GOLGA8A: variants seen among roughly 807,000 people sequenced by gnomAD.
GOLGA8A encodes the protein golgin A8 family member A.
GOLGA8A carries 3 observed loss-of-function variants against 22.1 expected under a neutral mutation model. The observed-to-expected ratio is 0.14, with a 90% CI of 0.06 to 0.35. GOLGA8A has a LOEUF of 0.35. Among genes scored for constraint, GOLGA8A ranks in the 10% least tolerant of loss-of-function variants. GOLGA8A has a pLI of 1.00. For synonymous variants in GOLGA8A, 7 were observed against 91.7 expected, an observed-to-expected ratio of 0.08 and a Z score of 5.28; for missense variants, 16 against 233.2, an observed-to-expected ratio of 0.07 and a Z score of 6.07.
At chr15:34,433,837 T>C (rs1442076671) in intron 2 of GOLGA8A, among the ~76,000 whole-genome samples, 1 of 149,338 alleles carries the variant, frequency 6.7e-6, no homozygotes, top group Non-Finnish European at 1.5e-5. Flanking sequence ...ACACACTGAA[T>C]GTTGAGTACT....
At chr15:34,431,291 TTATATATATATATATATATACA>T (rs1363676214) in intron 2 of GOLGA8A, among the ~76,000 whole-genome samples, 2,834 of 112,108 alleles carry the variant, frequency 0.025, 244 homozygotes, top group African/African-American at 0.092. Flanking sequence ...TGAAAAAAAA[TTATATATATATATATATATACA>T]TATATATATA....
intron 2 of GOLGA8A, among the ~76,000 whole-genome samples, chr15:34,422,983 C>G (rs1371006041): frequency 7.8e-6 from 1 of 128,778 alleles, no homozygotes; most frequent in Non-Finnish European, 1.7e-5. Flanking sequence ...TCCACTTCCA[C>G]TGAGCAGAGG....
At chr15:34,423,769 C>G (rs1238875203) in intron 2 of GOLGA8A, among the ~76,000 whole-genome samples, 1 of 149,160 alleles carries the variant, frequency 6.7e-6, no homozygotes, top group African/African-American at 2.5e-5. Context: ...CAGTTTGGTC[C>G]ACCTCCATGG....
rs1464603506 is a variant in GOLGA8A, at chr15:34,422,823, T to C, written c.-1123+12560A>G. Among the ~76,000 whole-genome samples the C allele has an allele frequency of 8.0e-5, 9 of 112,210 alleles. 2 individuals carry two copies. The highest frequency in any genetic ancestry group is 1.9e-4 in the Non-Finnish European group (9 of 47,930). The allele number at this position is 112,210 out of a possible 152,430, so 73.6% of individuals were successfully genotyped here. A position where few individuals can be genotyped will look rare whatever the true frequency, so the allele number is the denominator to read the frequency against. On this transcript the variant is annotated intron_variant, in intron 2 of 24. Transcript: ENST00000359187. ...CTGTCCACAGTGCTCTTCCTGCTCC[T>C]GCTCCTGGCCAACCCTCCAACCAAG...
At chr15:34,421,683 C>CT (rs1260374480) in intron 2 of GOLGA8A, among the ~76,000 whole-genome samples, 1 of 142,724 alleles carries the variant, frequency 7.0e-6, no homozygotes, top group African/African-American at 2.6e-5. Flanking sequence ...CCACTTACCC[C>CT]TTTTTCATCA....
intron 24 of GOLGA8A, 25 bp from the exon 25 acceptor site, chr15:34,381,638 C>A: frequency 7.5e-7 from 1 of 1,328,984 alleles, no homozygotes; most frequent in Non-Finnish European, 1.1e-6. Flanking sequence ...AGGCGGGGAT[C>A]TGAGTGGAGT....
intron 2 of GOLGA8A, among the ~76,000 whole-genome samples, chr15:34,425,322 C>T (rs1892938926): frequency 2.0e-5 from 3 of 147,360 alleles, no homozygotes; most frequent in South Asian, 2.2e-4. Flanking sequence ...AGCTACTTAA[C>T]CCATGACAAA....
At chr15:34,433,215 G>A (rs1228428149) in intron 2 of GOLGA8A, among the ~76,000 whole-genome samples, 7 of 149,166 alleles carry the variant, frequency 4.7e-5, no homozygotes, top group Non-Finnish European at 1.0e-4. Flanking sequence ...GGAAGGGAAA[G>A]CAGAGTGGCT....
At chr15:34,433,163 C>A (rs1448364767) in intron 2 of GOLGA8A, among the ~76,000 whole-genome samples, 4 of 148,630 alleles carry the variant, frequency 2.7e-5, no homozygotes, top group Non-Finnish European at 6.0e-5. Flanking sequence ...TCCAACCAGG[C>A]CAGGACACAC....
intron 1 of GOLGA8A, 64 bp from the exon 2 acceptor site, chr15:34,435,535 C>T (rs1357087488): frequency 2.0e-5 from 3 of 148,714 alleles, no homozygotes; most frequent in Non-Finnish European, 3.0e-5. Context: ...ACAAGTTAAC[C>T]AGCAAGCCAC....
chr15:34,387,262 TACTA>T (rs1891785794), intron 11 of GOLGA8A: 9 of 226,550 alleles, frequency 4.0e-5, no homozygotes, highest in South Asian at 2.1e-4. Flanking sequence ...GCAGGCCATG[TACTA>T]GGGATTAACA....
intron 2 of GOLGA8A, among the ~76,000 whole-genome samples, chr15:34,434,028 G>C (rs1403702166): frequency 1.3e-5 from 2 of 148,890 alleles, no homozygotes; most frequent in Non-Finnish European, 3.0e-5. Context: ...TGGCAAATCC[G>C]AGGACCAAGG....
At position 34,418,753 on chromosome 15, in the gene GOLGA8A, G is replaced by C. The variant is rs1343991614; in HGVS notation, c.-1122-11018C>G. On this transcript the variant is annotated intron_variant, in intron 2 of 24. Coordinates refer to ENST00000359187, the MANE Select transcript of GOLGA8A (RefSeq NM_181077.5). ...ATGAATTAAGGGGCTGGAAAACCGG[G>C]AGCAGGACGGCCTGTGCCCATGGTT... 30 of 147,148 alleles carry C rather than the reference G, an allele frequency of 2.0e-4. 3 individuals are homozygous for C. Among genetic ancestry groups the C allele is most frequent in the African/African-American group, 5.5e-4 (22 of 40,108 alleles). The allele number at this position is 147,148 out of a possible 1,614,324, so 9.1% of individuals were successfully genotyped here. A position where few individuals can be genotyped will look rare whatever the true frequency, so the allele number is the denominator to read the frequency against.
chr15:34,381,037 A>G lies in GOLGA8A; in HGVS notation c.*374T>C. 1 of 368,068 alleles carries G rather than the reference A, an allele frequency of 2.7e-6. No individual in the cohort carries two copies. The highest frequency in any genetic ancestry group is 5.2e-6 in the Non-Finnish European group (1 of 193,252). 22.8% of individuals were successfully genotyped at this position (368,068 alleles called of 1,614,324 possible). A position where few individuals can be genotyped will look rare whatever the true frequency, so the allele number is the denominator to read the frequency against. On this transcript the variant is annotated 3_prime_UTR_variant, in exon 25 of 25. Transcript: ENST00000359187. ...TATCTGAATTCTGTAATGGACATCC[A>G]TGCTGCAATAACATTAGAAAAGCAC...
At chr15:34,426,858 C>A (rs1268056989) in intron 2 of GOLGA8A, among the ~76,000 whole-genome samples, 2 of 143,486 alleles carry the variant, frequency 1.4e-5, no homozygotes, top group Admixed American at 1.5e-4. Flanking sequence ...AGCCTAGAGA[C>A]AACATAGCAA....
At chr15:34,427,667 T>C (rs928021755) in intron 2 of GOLGA8A, among the ~76,000 whole-genome samples, 11 of 148,596 alleles carry the variant, frequency 7.4e-5, no homozygotes, top group African/African-American at 2.7e-4. Flanking sequence ...GCCATCGGAC[T>C]CCCAGGCACC....
At chr15:34,426,757 C>T (rs1179499360) in intron 2 of GOLGA8A, among the ~76,000 whole-genome samples, 1 of 143,700 alleles carries the variant, frequency 7.0e-6, no homozygotes, top group Non-Finnish European at 1.5e-5. Context: ...AAAACAGAGA[C>T]ATCAAGCCAG....
At chr15:34,419,987 T>A (rs905596075) in intron 2 of GOLGA8A, 1 of 147,496 alleles carries the variant, frequency 6.8e-6, no homozygotes, top group African/African-American at 2.6e-5. Context: ...GACACAGAGT[T>A]TCAGATTGCA....
chr15:34,436,699 CG>C (rs1399405458), intron 1 of GOLGA8A, among the ~76,000 whole-genome samples: 3 of 149,436 alleles, frequency 2.0e-5, no homozygotes, highest in African/African-American at 7.4e-5. Context: ...GCTTGGGGAC[CG>C]GGGGCCTCGA....
Sources: gnomAD v4.1 joint callset for allele counts (sites outside exome capture counted in the v4.1 genomes callset) on GRCh38, gnomAD v4.1.1 for gene constraint, MANE v1.5 for transcripts, NCBI Gene and HGNC (gene_info 2026-07-23, HGNC 2026-07-21) for gene names.